The following GRID2 variants were observed in gnomAD, a reference collection of about 807,000 sequenced individuals.
GRID2 encodes the protein glutamate receptor ionotropic, delta-2.
In GRID2, 33 loss-of-function variants were observed where a neutral mutation model predicts 114.8. The ratio of observed to expected loss-of-function variants is 0.29; its 90% confidence interval spans 0.22 to 0.38. The LOEUF is 0.38. Ranked by LOEUF, GRID2 falls within the 10% of genes least tolerant of loss-of-function variation. The pLI, the probability that GRID2 is intolerant of heterozygous loss-of-function variation, is 1.00. For missense variants in GRID2, 1,184 were observed against 1,257.7 expected, an observed-to-expected ratio of 0.94 and a Z score of 0.89; for synonymous variants, 505 against 449.9, an observed-to-expected ratio of 1.12 and a Z score of -1.55.
chr4:92,963,455 C>G (rs941294769), intron 2 of GRID2, among the ~76,000 whole-genome samples: 1 of 151,988 alleles, frequency 6.6e-6, no homozygotes, highest in African/African-American at 2.4e-5. Context: ...GATTCCATCT[C>G]AAGAAACCAC....
At chr4:93,023,093 TTG>T (rs370431407) in intron 2 of GRID2, among the ~76,000 whole-genome samples, 16,632 of 143,472 alleles carry the variant, frequency 0.12, 915 homozygotes, top group Middle Eastern at 0.16. Context: ...CAGAGAACAT[TTG>T]TGTGTGTGTG....
At chr4:93,257,350 G>A (rs1013131491) in intron 8 of GRID2, among the ~76,000 whole-genome samples, 2 of 151,716 alleles carry the variant, frequency 1.3e-5, no homozygotes, top group African/African-American at 4.8e-5. Context: ...AAAGAGTGAT[G>A]CATTTCACTT....
intron 2 of GRID2, among the ~76,000 whole-genome samples, chr4:92,815,788 G>T (rs578087201): frequency 2.0e-5 from 3 of 151,152 alleles, no homozygotes; most frequent in Non-Finnish European, 4.4e-5. Context: ...GGGCATTGTG[G>T]TGTGTACCTG....
At chr4:92,945,372 G>A (rs537085266) in intron 2 of GRID2, among the ~76,000 whole-genome samples, 1 of 152,096 alleles carries the variant, frequency 6.6e-6, no homozygotes, top group African/African-American at 2.4e-5. Context: ...ATGTGTCTTT[G>A]TAAATAAGCT....
chr4:93,439,687 A>C (rs1315052881), intron 10 of GRID2, among the ~76,000 whole-genome samples: 3 of 152,070 alleles, frequency 2.0e-5, no homozygotes, highest in South Asian at 4.1e-4. Flanking sequence ...GGGTAAGGAG[A>C]ACAGGTGTTA....
chr4:92,785,536 A>G (rs1456975960), intron 2 of GRID2, among the ~76,000 whole-genome samples: 1 of 151,748 alleles, frequency 6.6e-6, no homozygotes, highest in Non-Finnish European at 1.5e-5. Context: ...ACAATTTTCT[A>G]CTTTGAGTGC....
chr4:93,472,044 G>T (rs1352601039), intron 11 of GRID2, among the ~76,000 whole-genome samples: 4 of 151,114 alleles, frequency 2.6e-5, no homozygotes, highest in Non-Finnish European at 5.9e-5. Context: ...TAGAATTTTG[G>T]CCAGGCGCGG....
At position 93,484,826 on chromosome 4, in the gene GRID2, G is replaced by A. The variant is rs190663298; in HGVS notation, c.1859-5813G>A. ...AGGCCAAACTTAAAATATGTAAGGA[G>A]GTATCCAGTCTACTCTCAAAGTATG... is the stretch of plus-strand genomic sequence containing the variant. On this transcript the variant is annotated intron_variant, in intron 11 of 15. Transcript: ENST00000282020. 2.4e-4 allele frequency among the ~76,000 whole-genome samples: 37 copies of A among 151,934 alleles called. No homozygotes were observed. The East Asian group carries it at 7.0e-3, about 29-fold the overall frequency.
chr4:92,775,597 G>A (rs547928469), intron 2 of GRID2, among the ~76,000 whole-genome samples: 13 of 152,062 alleles, frequency 8.5e-5, no homozygotes, highest in Non-Finnish European at 1.6e-4. Context: ...GTATACATAC[G>A]GGCTCAGGAT....
At chr4:92,618,930 G>C (rs1730139321) in intron 2 of GRID2, among the ~76,000 whole-genome samples, 1 of 151,706 alleles carries the variant, frequency 6.6e-6, no homozygotes, top group African/African-American at 2.4e-5. Flanking sequence ...ATTTTGTGTA[G>C]TCCTTACATT....
chr4:93,694,407 G>A (rs1212210242), intron 14 of GRID2, among the ~76,000 whole-genome samples: 1 of 152,130 alleles, frequency 6.6e-6, no homozygotes, highest in East Asian at 1.9e-4. Context: ...TTGATTTACA[G>A]CTTACTTGCT....
intron 2 of GRID2, among the ~76,000 whole-genome samples, chr4:93,003,773 T>G (rs1038797502): frequency 6.6e-6 from 1 of 151,944 alleles, no homozygotes; most frequent in African/African-American, 2.4e-5. Context: ...TATGTGGTGT[T>G]TCTAAAACTC....
At chr4:93,172,547 C>A (rs1738938474) in intron 4 of GRID2, among the ~76,000 whole-genome samples, 1 of 151,510 alleles carries the variant, frequency 6.6e-6, no homozygotes, top group Admixed American at 6.6e-5. Context: ...AGCCGAGATC[C>A]AGCCATTGCA....
At chr4:92,919,702 C>T (rs1046063672) in intron 2 of GRID2, among the ~76,000 whole-genome samples, 2 of 152,170 alleles carry the variant, frequency 1.3e-5, no homozygotes, top group African/African-American at 2.4e-5. Flanking sequence ...TTTGATTGCA[C>T]TGTGGTCTGA....
At chr4:93,395,742 T>A (rs762160049) in intron 9 of GRID2, 34 bp downstream of exon 9, 1 of 910,532 alleles carries the variant, frequency 1.1e-6, no homozygotes, top group South Asian at 1.4e-5. Flanking sequence ...GTTTTGACTT[T>A]TGGAGGTTAC....
At chr4:93,725,750 T>C (rs1240956598) in intron 14 of GRID2, among the ~76,000 whole-genome samples, 1 of 152,108 alleles carries the variant, frequency 6.6e-6, no homozygotes, top group Non-Finnish European at 1.5e-5. Flanking sequence ...TGAGCATTTT[T>C]TCATGTGTCT....
At chr4:92,982,679 C>A (rs1347458418) in intron 2 of GRID2, among the ~76,000 whole-genome samples, 1 of 152,044 alleles carries the variant, frequency 6.6e-6, no homozygotes, top group South Asian at 2.1e-4. Flanking sequence ...CCCACATTGC[C>A]TCCATGGACA....
chr4:92,449,844 G>A (rs571974644), intron 1 of GRID2, among the ~76,000 whole-genome samples: 1 of 151,534 alleles, frequency 6.6e-6, no homozygotes, highest in East Asian at 1.9e-4. Context: ...GAGTAATTTA[G>A]TCAGTGAGAA....
intron 2 of GRID2, among the ~76,000 whole-genome samples, chr4:92,981,040 A>C (rs1754177683): frequency 6.6e-6 from 1 of 152,090 alleles, no homozygotes; most frequent in Admixed American, 6.6e-5. Flanking sequence ...TAACTGAAAT[A>C]AAAAATATAA....
Sources: gnomAD v4.1 joint callset for allele counts (sites outside exome capture counted in the v4.1 genomes callset) on GRCh38, gnomAD v4.1.1 for gene constraint, MANE v1.5 for transcripts, NCBI Gene and HGNC (gene_info 2026-07-23, HGNC 2026-07-21) for gene names.